The following SCFD2 variants were observed in gnomAD, a reference collection of about 807,000 sequenced individuals.
SCFD2 encodes the protein sec1 family domain containing 2, also known as sec1 family domain-containing protein 2.
A neutral mutation model predicts 58.9 loss-of-function variants in SCFD2; 54 were observed. That is an observed-to-expected ratio of 0.92 (90% CI 0.74 to 1.15). The LOEUF is 1.15. Among genes scored for constraint, SCFD2 ranks in the 50% most tolerant of loss-of-function variants. The pLI, the probability that SCFD2 is intolerant of heterozygous loss-of-function variation, is 0.00. For synonymous variants in SCFD2, 321 were observed against 335.9 expected, an observed-to-expected ratio of 0.96 and a Z score of 0.49; for missense variants, 805 against 836.6, an observed-to-expected ratio of 0.96 and a Z score of 0.47.
intron 5 of SCFD2, among the ~76,000 whole-genome samples, chr4:52,991,360 C>T (rs1005836266): frequency 3.3e-5 from 5 of 152,166 alleles, no homozygotes; most frequent in Non-Finnish European, 5.9e-5. Flanking sequence ...TAAAAAGGTA[C>T]ACTGTAGAGT....
At chr4:53,259,828 A>G (rs1477393890) in intron 4 of SCFD2, among the ~76,000 whole-genome samples, 2 of 152,108 alleles carry the variant, frequency 1.3e-5, no homozygotes, top group African/African-American at 2.4e-5. Flanking sequence ...TTTTCACAAT[A>G]TTGATTCTAC....
At chr4:53,234,185 A>G (rs1442575051) in intron 4 of SCFD2, among the ~76,000 whole-genome samples, 2 of 151,364 alleles carry the variant, frequency 1.3e-5, no homozygotes, top group Non-Finnish European at 2.9e-5. Context: ...AAAAAAAAAT[A>G]TTTGTTTCAG....
intron 4 of SCFD2, among the ~76,000 whole-genome samples, chr4:53,166,366 T>C (rs1341489173): frequency 1.3e-5 from 2 of 152,196 alleles, no homozygotes; most frequent in Non-Finnish European, 2.9e-5. Flanking sequence ...TTCTTTGCTT[T>C]TGTGGCAAAA....
chr4:52,876,923 C>T (rs1299228320), intron 8 of SCFD2, among the ~76,000 whole-genome samples: 1 of 152,070 alleles, frequency 6.6e-6, no homozygotes, highest in Non-Finnish European at 1.5e-5. Context: ...TTGGTGGTCT[C>T]CAGCACACTG....
intron 2 of SCFD2, among the ~76,000 whole-genome samples, chr4:53,342,402 A>G (rs961138589): frequency 1.3e-5 from 2 of 152,240 alleles, no homozygotes; most frequent in Non-Finnish European, 2.9e-5. Flanking sequence ...CAACAAGAAG[A>G]GCTAACTATC....
intron 8 of SCFD2, among the ~76,000 whole-genome samples, chr4:52,876,158 G>A (rs1718469440): frequency 6.6e-6 from 1 of 151,424 alleles, no homozygotes; most frequent in African/African-American, 2.4e-5. Flanking sequence ...GATGCCTCCA[G>A]AAAGTCACAA....
chr4:53,325,446 A>G (rs188078927), intron 2 of SCFD2, among the ~76,000 whole-genome samples: 2 of 152,180 alleles, frequency 1.3e-5, no homozygotes, highest in African/African-American at 4.8e-5. Context: ...ATGAAGGAGT[A>G]AAAAATAGAA....
At position 53,203,797 on chromosome 4, in the gene SCFD2, T is replaced by C. The variant is rs1301498651; in HGVS notation, c.1312-58215A>G. 3.9e-5 allele frequency among the ~76,000 whole-genome samples: 6 copies of C among 152,184 alleles called. No homozygotes were observed. In the East Asian group the frequency reaches 1.2e-3, roughly 29 times the overall value. On this transcript the variant is annotated intron_variant, in intron 4 of 8. Coordinates refer to ENST00000401642, the MANE Select transcript of SCFD2 (RefSeq NM_152540.4). ...GGGAATTGGGTAAATTAATAACACA[T>C]GGGATAAAATTCTTCAAGAAGTAGT...
At chr4:53,209,535 ATT>A (rs1728538208) in intron 4 of SCFD2, among the ~76,000 whole-genome samples, 1 of 152,114 alleles carries the variant, frequency 6.6e-6, no homozygotes. Flanking sequence ...AATGAACATA[ATT>A]TCATTATACA....
intron 5 of SCFD2, among the ~76,000 whole-genome samples, chr4:53,009,433 A>C (rs1474716492): frequency 1.3e-5 from 2 of 152,214 alleles, no homozygotes; most frequent in African/African-American, 4.8e-5. Context: ...TAAAGGGAGA[A>C]TCTACTGGAA....
chr4:53,342,070 T>A (rs574075915), intron 2 of SCFD2, among the ~76,000 whole-genome samples: 1 of 152,316 alleles, frequency 6.6e-6, no homozygotes, highest in Non-Finnish European at 1.5e-5. Flanking sequence ...AATAACCAGC[T>A]AACGTCATAA....
chr4:53,050,299 C>T (rs918985515), intron 5 of SCFD2, among the ~76,000 whole-genome samples: 15 of 152,202 alleles, frequency 9.9e-5, no homozygotes, highest in African/African-American at 3.6e-4. Flanking sequence ...GCACAAAAGG[C>T]AGTCATGAGC....
At chr4:53,214,484 C>A (rs536655774) in intron 4 of SCFD2, among the ~76,000 whole-genome samples, 1 of 152,002 alleles carries the variant, frequency 6.6e-6, no homozygotes, top group Non-Finnish European at 1.5e-5. Context: ...ATATCCTTGG[C>A]CCACTTTTTG....
intron 4 of SCFD2, among the ~76,000 whole-genome samples, chr4:53,186,417 T>C (rs1727738133): frequency 6.6e-6 from 1 of 152,058 alleles, no homozygotes; most frequent in Admixed American, 6.6e-5. Context: ...ACTTTTGTAT[T>C]CCTACAATGC....
chr4:53,352,741 G>C lies in SCFD2; in HGVS notation c.864C>G (p.Asn288Lys). ...GTGCTGAAATGATCTTCTCTACTAA[G>C]TTGTCTCCATGATGTCCAACTGCTC... Reference protein sequence around the residue: ...LTGAVGHHGDNLVEKIISALP... With the variant: ...LTGAVGHHGDKLVEKIISALP... Residue 288 changes from asparagine (N) to lysine (K), a missense_variant, in exon 2 of 9, where the codon AAC becomes AAG. Coordinates refer to ENST00000401642, the MANE Select transcript of SCFD2 (RefSeq NM_152540.4). The C allele has an allele frequency of 6.2e-7, 1 of 1,614,094 alleles. No individual in the cohort carries two copies. Among genetic ancestry groups the C allele is most frequent in the Non-Finnish European group, 8.5e-7 (1 of 1,179,984 alleles).
intron 2 of SCFD2, among the ~76,000 whole-genome samples, chr4:53,320,865 T>A (rs1024106272): frequency 1.3e-5 from 2 of 152,270 alleles, no homozygotes; most frequent in African/African-American, 4.8e-5. Context: ...CCCTTTTTTC[T>A]GTTTTTAATA....
chr4:52,913,753 A>G (rs1218482215), intron 6 of SCFD2, among the ~76,000 whole-genome samples: 1 of 152,196 alleles, frequency 6.6e-6, no homozygotes, highest in African/African-American at 2.4e-5. Context: ...TTAGAATCCT[A>G]CACTGAAGAC....
intron 5 of SCFD2, among the ~76,000 whole-genome samples, chr4:53,138,289 G>A (rs1726003508): frequency 6.6e-6 from 1 of 152,198 alleles, no homozygotes; most frequent in Non-Finnish European, 1.5e-5. Flanking sequence ...CTGAAAGACA[G>A]CAGAGCCCAG....
intron 4 of SCFD2, among the ~76,000 whole-genome samples, chr4:53,235,028 A>G (rs1261781189): frequency 6.6e-6 from 1 of 152,220 alleles, no homozygotes; most frequent in Non-Finnish European, 1.5e-5. Flanking sequence ...TCTATGATCC[A>G]AGATGGCCAC....
Sources: gnomAD v4.1 joint callset for allele counts (sites outside exome capture counted in the v4.1 genomes callset) on GRCh38, gnomAD v4.1.1 for gene constraint, MANE v1.5 for transcripts, NCBI Gene and HGNC (gene_info 2026-07-23, HGNC 2026-07-21) for gene names.